Variants in KIAA1549L observed in about 807,000 individuals in gnomAD.
The protein encoded by KIAA1549L is UPF0606 protein KIAA1549L.
In KIAA1549L, 88 loss-of-function variants were observed where a neutral mutation model predicts 160.7. The ratio of observed to expected loss-of-function variants is 0.55; its 90% CI spans 0.46 to 0.65. KIAA1549L has a LOEUF of 0.65. Among genes scored for constraint, KIAA1549L ranks in the 30% least tolerant of loss-of-function variants. The pLI is 0.00. For synonymous variants in KIAA1549L, 950 were observed against 976.7 expected (o/e 0.97, Z 0.51); for missense variants, 2,258 against 2,437.5 (o/e 0.93, Z 1.55).
intron 1 of KIAA1549L, among the ~76,000 whole-genome samples, chr11:33,472,275 CTTTTTTTTTTTTT>C (rs76771436): frequency 1.9e-5 from 2 of 102,782 alleles, no homozygotes; most frequent in African/African-American, 3.8e-5. Flanking sequence ...TCATGCCTGG[CTTTTTTTTTTTTT>C]TTTTTTTTTG....
intron 1 of KIAA1549L, among the ~76,000 whole-genome samples, chr11:33,428,753 A>G (rs906498933): frequency 6.6e-6 from 1 of 152,226 alleles, no homozygotes; most frequent in Non-Finnish European, 1.5e-5. Flanking sequence ...TAGTGCTGCA[A>G]TAAACATATG....
At chr11:33,497,257 T>C (rs942844012) in intron 1 of KIAA1549L, among the ~76,000 whole-genome samples, 1 of 152,242 alleles carries the variant, frequency 6.6e-6, no homozygotes, top group African/African-American at 2.4e-5. Flanking sequence ...GTATTTAAGA[T>C]ACTTTCCAGC....
At chr11:33,490,906 G>C (rs1284669074) in intron 1 of KIAA1549L, among the ~76,000 whole-genome samples, 1 of 152,206 alleles carries the variant, frequency 6.6e-6, no homozygotes, top group Non-Finnish European at 1.5e-5. Context: ...TGCCCACCCT[G>C]CTGGTCCATC....
intron 1 of KIAA1549L, among the ~76,000 whole-genome samples, chr11:33,424,752 A>T (rs1043137976): frequency 1.3e-5 from 2 of 152,218 alleles, no homozygotes; most frequent in African/African-American, 4.8e-5. Flanking sequence ...CAGGAGAATG[A>T]TGATCTTTGT....
At chr11:33,666,393 T>C (rs940207964) in intron 20 of KIAA1549L, among the ~76,000 whole-genome samples, 4 of 152,184 alleles carry the variant, frequency 2.6e-5, no homozygotes, top group African/African-American at 9.7e-5. Flanking sequence ...TACATTTGAT[T>C]TTCCCTTTGC....
intron 1 of KIAA1549L, among the ~76,000 whole-genome samples, chr11:33,482,569 CT>C (rs397849730): frequency 0.2 from 26,047 of 130,130 alleles, 1,975 homozygotes; most frequent in Middle Eastern, 0.26. Context: ...ATATGCTATA[CT>C]TTTTTTTTTT....
Position 33,471,593 on chromosome 11 carries a change from A to G in KIAA1549L, c.239-70209A>G, listed in dbSNP as rs140349620. Reference sequence around the variant, plus strand: ...CTTAGAAGTCTCATTCAGGTTTTGAAGAAAACAACTTCTAGCCTAATGAGC... The same window carrying G: ...CTTAGAAGTCTCATTCAGGTTTTGAGGAAAACAACTTCTAGCCTAATGAGC... On this transcript the variant is annotated intron_variant, in intron 1 of 20. Transcript: ENST00000658780. 6.1e-3 allele frequency among the ~76,000 whole-genome samples: 933 copies of G among 152,308 alleles called. 13 individuals carry two copies. Among genetic ancestry groups the G allele is most frequent in the African/African-American group, 0.021 (887 of 41,554 alleles).
chr11:33,632,972 T>C (rs775740881), intron 16 of KIAA1549L, among the ~76,000 whole-genome samples: 5 of 150,432 alleles, frequency 3.3e-5, no homozygotes, highest in Non-Finnish European at 7.4e-5. Context: ...TTTGTGTTTT[T>C]TGTCGTTGTT....
At chr11:33,560,801 G>C (rs995796040) in intron 7 of KIAA1549L, among the ~76,000 whole-genome samples, 1 of 152,062 alleles carries the variant, frequency 6.6e-6, no homozygotes. Context: ...GATAATACGC[G>C]TGAATGTACT....
At chr11:33,622,877 AGGCCTGGGCGCGTTGTCT>A (rs1850998409) in intron 16 of KIAA1549L, among the ~76,000 whole-genome samples, 3 of 152,210 alleles carry the variant, frequency 2.0e-5, no homozygotes. Flanking sequence ...CTGCTGAGGA[AGGCCTGGGCGCGTTGTCT>A]GATGTCAAGC....
Position 33,660,861 on chromosome 11 carries a change from A to C in KIAA1549L, c.6008-2A>C. The stretch of plus-strand genomic sequence containing the variant: ...CTCCCTCCTCCATTTCCTCCATGCC[A>C]GGTAATACGGTGCCAGCAGTGTTCG... On this transcript the variant is annotated splice_acceptor_variant, in intron 19 of 20. Coordinates refer to ENST00000658780, the MANE Select transcript of KIAA1549L (RefSeq NM_012194.3). LOFTEE classifies it high-confidence loss of function. The C allele has an allele frequency of 6.2e-7, 1 of 1,613,644 alleles. No individual in the cohort carries two copies. The highest frequency in any genetic ancestry group is 8.5e-7 in the Non-Finnish European group (1 of 1,179,760).
intron 13 of KIAA1549L, among the ~76,000 whole-genome samples, chr11:33,601,047 T>A (rs2083324243): frequency 6.6e-6 from 1 of 152,134 alleles, no homozygotes; most frequent in Non-Finnish European, 1.5e-5. Flanking sequence ...TTTAGGTCAC[T>A]TTGACTATTT....
rs1243369971 is a variant in KIAA1549L at position 33,673,885 on chromosome 11, C to T, written c.*5731C>T. On this transcript the variant is annotated 3_prime_UTR_variant, in exon 21 of 21. Coordinates refer to ENST00000658780, the MANE Select transcript of KIAA1549L (RefSeq NM_012194.3). ...GTAAGTACTTGTACATGTGCTTTAA[C>T]TCTGGGTGAAAAACCCCAACCGGTG... 3.3e-5 allele frequency: 5 copies of T among 152,182 alleles called. No individual in the cohort carries two copies. The highest frequency in any genetic ancestry group is 5.9e-5 in the Non-Finnish European group (4 of 68,038). 9.4% of individuals were successfully genotyped at this position (152,182 alleles called of 1,614,324 possible). A position where few individuals can be genotyped will look rare whatever the true frequency, so the allele number is the denominator to read the frequency against.
chr11:33,668,976 T>G lies in KIAA1549L; in HGVS notation c.*822T>G, dbSNP rs1215351216. ...TATTTGTGAAGGTTTTTCTTTGCCT[T>G]GTTTTGAAGGTGGCCTGAGAATGGA... On this transcript the variant is annotated 3_prime_UTR_variant, in exon 21 of 21. Transcript: ENST00000658780. 6.6e-6 allele frequency: 1 copy of G among 152,240 alleles called. No homozygotes were observed. Among genetic ancestry groups the G allele is most frequent in the Non-Finnish European group, 1.5e-5 (1 of 68,034 alleles). The allele number at this position is 152,240 out of a possible 1,614,324, so 9.4% of individuals were successfully genotyped here.
At position 33,553,166 on chromosome 11, in the gene KIAA1549L, A is replaced by T. The variant is rs143988157; in HGVS notation, c.3855+925A>T. ...AAACATTTAAACAGCCCTTTTAAAA[A>T]TTTTTTAATTATTTGTAGAGATGGA... On this transcript the variant is annotated intron_variant, in intron 6 of 20. Coordinates refer to ENST00000658780, the MANE Select transcript of KIAA1549L (RefSeq NM_012194.3). 9.7e-3 allele frequency among the ~76,000 whole-genome samples: 1,469 copies of T among 152,196 alleles called. 19 individuals are homozygous for T. The highest frequency in any genetic ancestry group is 0.033 in the African/African-American group (1,381 of 41,532).
intron 11 of KIAA1549L, among the ~76,000 whole-genome samples, chr11:33,586,169 C>T (rs779887518): frequency 2.0e-5 from 3 of 152,220 alleles, no homozygotes; most frequent in South Asian, 2.1e-4. Context: ...TAGCCTTCAC[C>T]GCCAAGCCTT....
intron 7 of KIAA1549L, 148 bp from the exon 8 acceptor site, chr11:33,561,528 A>G: frequency 1.5e-6 from 1 of 660,276 alleles, no homozygotes; most frequent in Non-Finnish European, 2.7e-6. Flanking sequence ...GCTACTCAGG[A>G]GGCTTAGGTG....
intron 13 of KIAA1549L, among the ~76,000 whole-genome samples, chr11:33,603,300 T>C (rs1850410116): frequency 7.1e-6 from 1 of 140,162 alleles, no homozygotes; most frequent in Non-Finnish European, 1.6e-5. Flanking sequence ...TGTAAATCAG[T>C]ATAACATATC....
chr11:33,446,688 G>A (rs2132960253), intron 1 of KIAA1549L, among the ~76,000 whole-genome samples: 1 of 152,062 alleles, frequency 6.6e-6, no homozygotes. Flanking sequence ...TTAAATTTAA[G>A]TTTTAGAGGA....
Sources: allele counts gnomAD v4.1 joint callset (sites outside exome capture counted in the v4.1 genomes callset), GRCh38; gene constraint gnomAD v4.1.1; transcripts MANE v1.5; gene names NCBI Gene and HGNC (gene_info 2026-07-23, HGNC 2026-07-21).